Variants in DPH6 observed in about 807,000 individuals in gnomAD.
The protein encoded by DPH6 is diphthamine biosynthesis 6, also known as diphthine--ammonia ligase.
In DPH6, 33 loss-of-function variants were observed where a neutral mutation model predicts 38.2. The ratio of observed to expected loss-of-function variants is 0.86; its 90% confidence interval spans 0.65 to 1.15. The LOEUF (loss-of-function observed/expected upper bound fraction) is 1.15. Among genes scored for constraint, DPH6 ranks in the 50% most tolerant of loss-of-function variants. DPH6 has a pLI of 0.00. For synonymous variants in DPH6, 108 were observed against 103.0 expected, an observed-to-expected ratio of 1.05 and a Z score of -0.30; for missense variants, 325 against 320.0, an observed-to-expected ratio of 1.02 and a Z score of -0.12.
the DPH6 span, among the ~76,000 whole-genome samples, chr15:35,200,330 T>C: frequency 6.6e-6 from 1 of 152,114 alleles, no homozygotes; most frequent in African/African-American, 2.4e-5. Flanking sequence ...AAATCTTGCT[T>C]TTTGCATACT....
At chr15:35,516,923 G>T (rs1221916168) in intron 3 of DPH6, among the ~76,000 whole-genome samples, 2 of 152,012 alleles carry the variant, frequency 1.3e-5, no homozygotes, top group African/African-American at 2.4e-5. Context: ...AATTTTGCTT[G>T]TGGTTCCAAA....
chr15:35,502,671 T>C (rs551210345), intron 3 of DPH6, among the ~76,000 whole-genome samples: 7 of 151,726 alleles, frequency 4.6e-5, no homozygotes, highest in Non-Finnish European at 8.8e-5. Flanking sequence ...ATCTGAAAAA[T>C]CTAAAAAAGC....
At chr15:35,163,886 C>A in the DPH6 span, among the ~76,000 whole-genome samples, 2 of 151,794 alleles carry the variant, frequency 1.3e-5, no homozygotes, top group African/African-American at 4.8e-5. Context: ...TGCTAGGGAA[C>A]AGAGGGTCTA....
At chr15:35,482,992 A>T (rs1454029457) in intron 3 of DPH6, among the ~76,000 whole-genome samples, 2 of 151,990 alleles carry the variant, frequency 1.3e-5, no homozygotes, top group South Asian at 2.1e-4. Context: ...TTAAAATTTT[A>T]AAATTATAAA....
At chr15:35,449,894 G>C (rs2053909590) in intron 5 of DPH6, among the ~76,000 whole-genome samples, 1 of 152,000 alleles carries the variant, frequency 6.6e-6, no homozygotes, top group Non-Finnish European at 1.5e-5. Flanking sequence ...ATCTTCTACA[G>C]CTTGAGACCT....
At chr15:35,237,892 G>T in intron 3 of DPH6, 4 of 1,341,680 alleles carry the variant, frequency 3.0e-6, no homozygotes, top group Non-Finnish European at 4.2e-6. Flanking sequence ...TGGAGGACGA[G>T]GAGGAGGAGG....
intron 3 of DPH6, among the ~76,000 whole-genome samples, chr15:35,491,548 T>TACACACACACACACACAC (rs71309445): frequency 5.8e-5 from 8 of 137,746 alleles, no homozygotes; most frequent in African/African-American, 2.1e-4. Context: ...CCAATAGGTG[T>TACACACACACACACACAC]ACACACACAC....
chr15:35,273,133 CTTTAAAA>C (rs2051834284), intron 3 of DPH6, among the ~76,000 whole-genome samples: 2 of 151,774 alleles, frequency 1.3e-5, no homozygotes, highest in Admixed American at 1.3e-4. Flanking sequence ...TAAGGTATTT[CTTTAAAA>C]TTAAAAAAAA....
the DPH6 span, among the ~76,000 whole-genome samples, chr15:35,158,648 T>C: frequency 6.6e-6 from 1 of 152,058 alleles, no homozygotes; most frequent in African/African-American, 2.4e-5. Flanking sequence ...ATAGTACTTA[T>C]GTTGGGAAAG....
intron 3 of DPH6, among the ~76,000 whole-genome samples, chr15:35,518,177 G>A (rs73382769): frequency 6.6e-6 from 1 of 151,876 alleles, no homozygotes; most frequent in African/African-American, 2.4e-5. Flanking sequence ...ACCAAAGTAA[G>A]ACAAAGCCCT....
At chr15:35,537,792 A>T (rs929663072) in intron 3 of DPH6, among the ~76,000 whole-genome samples, 2 of 151,972 alleles carry the variant, frequency 1.3e-5, no homozygotes, top group African/African-American at 4.8e-5. Context: ...ATTCTGCTTC[A>T]TTTTTCCTCA....
intron 3 of DPH6, among the ~76,000 whole-genome samples, chr15:35,347,621 T>C (rs1315482801): frequency 2.2e-5 from 2 of 89,812 alleles, no homozygotes; most frequent in Non-Finnish European, 4.4e-5. Context: ...TTCAATATCT[T>C]ATTTCAATTC....
At chr15:35,459,526 A>G (rs1162214993) in intron 3 of DPH6, among the ~76,000 whole-genome samples, 1 of 152,188 alleles carries the variant, frequency 6.6e-6, no homozygotes, top group Admixed American at 6.5e-5. Flanking sequence ...ATCCAAATAG[A>G]TAAGACTATT....
intron 3 of DPH6, among the ~76,000 whole-genome samples, chr15:35,289,255 G>A (rs1016502478): frequency 2.6e-5 from 4 of 152,128 alleles, no homozygotes; most frequent in African/African-American, 4.8e-5. Flanking sequence ...TAAGGTTTCC[G>A]TGCTATTCCA....
the DPH6 span, among the ~76,000 whole-genome samples, chr15:35,182,208 A>C: frequency 7.1e-6 from 1 of 141,842 alleles, no homozygotes; most frequent in Non-Finnish European, 1.5e-5. Context: ...TCAAAACTGG[A>C]CAACTCTAAG....
intron 3 of DPH6, among the ~76,000 whole-genome samples, chr15:35,534,783 C>G (rs1226611365): frequency 6.6e-6 from 1 of 152,214 alleles, no homozygotes; most frequent in Non-Finnish European, 1.5e-5. Flanking sequence ...CATCCTTACA[C>G]TGCAATTCTA....
chr15:35,326,367 ATAAT>A, downstream of DPH6, among the ~76,000 whole-genome samples: 1 of 152,210 alleles, frequency 6.6e-6, no homozygotes, highest in East Asian at 1.9e-4. Flanking sequence ...AGTTACATAC[ATAAT>A]TAATAAATCA....
At chr15:35,380,737 C>T (rs1483936195) in intron 7 of DPH6, among the ~76,000 whole-genome samples, 1 of 152,142 alleles carries the variant, frequency 6.6e-6, no homozygotes, top group African/African-American at 2.4e-5. Context: ...AATATGTCCT[C>T]TCCCATAAAT....
At chr15:35,203,650 T>C in the DPH6 span, among the ~76,000 whole-genome samples, 8,790 of 151,844 alleles carry the variant, frequency 0.058, 566 homozygotes, top group East Asian at 0.3. Context: ...TAGCAACCTG[T>C]GTATTTTAGC....
Sources: gnomAD v4.1 joint callset for allele counts (sites outside exome capture counted in the v4.1 genomes callset) on GRCh38, gnomAD v4.1.1 for gene constraint, MANE v1.5 for transcripts, NCBI Gene and HGNC (gene_info 2026-07-23, HGNC 2026-07-21) for gene names.